EXOC6B: variants seen among roughly 807,000 people sequenced by gnomAD.
EXOC6B encodes exocyst complex component 6B.
EXOC6B carries 54 observed loss-of-function variants against 113.5 expected under a neutral mutation model. The ratio of observed to expected loss-of-function variants is 0.48; its 90% CI spans 0.38 to 0.60. EXOC6B has a LOEUF of 0.60. Among genes scored for constraint, EXOC6B ranks in the 20% least tolerant of loss-of-function variants. The pLI, the probability that EXOC6B is intolerant of heterozygous loss-of-function variation, is 0.00. For synonymous variants in EXOC6B, 357 were observed against 339.0 expected, an observed-to-expected ratio of 1.05 and a Z score of -0.58; for missense variants, 797 against 977.5, an observed-to-expected ratio of 0.82 and a Z score of 2.46.
At chr2:72,499,783 C>T in intron 12 of EXOC6B, 118 bp downstream of exon 12, 3 of 651,840 alleles carry the variant, frequency 4.6e-6, no homozygotes, top group Non-Finnish European at 8.2e-6. Flanking sequence ...ATTCTCCTAC[C>T]TCAGGCTTCC....
intron 20 of EXOC6B, among the ~76,000 whole-genome samples, chr2:72,258,920 T>A (rs1452312825): frequency 6.6e-6 from 1 of 152,194 alleles, no homozygotes; most frequent in Admixed American, 6.6e-5. Flanking sequence ...AAATCTACAA[T>A]TTACATTTTA....
intron 8 of EXOC6B, among the ~76,000 whole-genome samples, chr2:72,534,688 T>A (rs1702186389): frequency 6.6e-6 from 1 of 152,186 alleles, no homozygotes; most frequent in Non-Finnish European, 1.5e-5. Flanking sequence ...AAAAACAATC[T>A]AATTATCTCA....
intron 18 of EXOC6B, among the ~76,000 whole-genome samples, chr2:72,406,608 G>A (rs986710189): frequency 1.3e-5 from 2 of 152,158 alleles, no homozygotes; most frequent in Non-Finnish European, 2.9e-5. Context: ...TGACTACTGG[G>A]TACATAACGA....
intron 1 of EXOC6B, among the ~76,000 whole-genome samples, chr2:72,808,567 C>T (rs927497963): frequency 5.9e-5 from 9 of 151,822 alleles, no homozygotes; most frequent in African/African-American, 2.2e-4. Context: ...AAGACCAGCC[C>T]GGGTAACATA....
intron 6 of EXOC6B, among the ~76,000 whole-genome samples, chr2:72,691,845 AT>A (rs34593787): frequency 0.15 from 21,946 of 148,588 alleles, 2,124 homozygotes; most frequent in Non-Finnish European, 0.22. Flanking sequence ...CCCCACCTGG[AT>A]TTTTTTTTTC....
intron 18 of EXOC6B, among the ~76,000 whole-genome samples, chr2:72,444,733 T>C (rs1028922378): frequency 3.3e-5 from 5 of 152,228 alleles, no homozygotes; most frequent in Admixed American, 2.0e-4. Context: ...GTTTTATTCA[T>C]GGCTGGAGTG....
At chr2:72,807,629 G>C (rs1015277435) in intron 1 of EXOC6B, among the ~76,000 whole-genome samples, 1 of 152,140 alleles carries the variant, frequency 6.6e-6, no homozygotes, top group Non-Finnish European at 1.5e-5. Flanking sequence ...TAATGAAAAT[G>C]TGGTACTTAT....
chr2:72,397,029 T>C (rs1427812036), intron 18 of EXOC6B, among the ~76,000 whole-genome samples: 2 of 152,036 alleles, frequency 1.3e-5, no homozygotes, highest in African/African-American at 2.4e-5. Context: ...ATTATCTATG[T>C]TCTCCCTTAT....
At chr2:72,215,286 T>C (rs1680451096) in intron 20 of EXOC6B, among the ~76,000 whole-genome samples, 1 of 152,170 alleles carries the variant, frequency 6.6e-6, no homozygotes, top group Admixed American at 6.5e-5. Flanking sequence ...CATTCTGGGA[T>C]TGCCCTGGAC....
At chr2:72,179,599 G>T in intron 21 of EXOC6B, 138 bp from the exon 22 acceptor site, 1 of 982,354 alleles carries the variant, frequency 1.0e-6, no homozygotes, top group Admixed American at 2.0e-5. Context: ...TCCACTGTCA[G>T]GCCCACACTC....
chr2:72,752,426 AT>A (rs1213620608), intron 1 of EXOC6B, among the ~76,000 whole-genome samples: 3 of 152,076 alleles, frequency 2.0e-5, no homozygotes, highest in Non-Finnish European at 4.4e-5. Flanking sequence ...CTTTCGAAAC[AT>A]GCCCCCATCT....
intron 6 of EXOC6B, among the ~76,000 whole-genome samples, chr2:72,576,345 TA>T (rs904698345): frequency 6.6e-6 from 1 of 150,798 alleles, no homozygotes; most frequent in Non-Finnish European, 1.5e-5. Flanking sequence ...CCCTTCAGCT[TA>T]AAAAAAAATA....
intron 8 of EXOC6B, 83 bp from the exon 9 acceptor site, chr2:72,515,209 C>G: frequency 7.6e-7 from 1 of 1,312,990 alleles, no homozygotes. Context: ...GGTCCCAGGT[C>G]TGGAATTTGA....
In EXOC6B at chr2:72,274,148, A is replaced by C. The variant is rs151293831; in HGVS notation, c.2196+60799T>G. 2.5e-3 allele frequency among the ~76,000 whole-genome samples: 379 copies of C among 152,292 alleles called. 1 individual carries two copies. The highest frequency in any genetic ancestry group is 8.9e-3 in the African/African-American group (370 of 41,582). Reference sequence around the variant, plus strand: ...CTTCTAACTATCTGAATGTGTCTGTAAGTTGGAGAACATGTACCAGACATT... The same window carrying C: ...CTTCTAACTATCTGAATGTGTCTGTCAGTTGGAGAACATGTACCAGACATT... On this transcript the variant is annotated intron_variant, in intron 20 of 21. Coordinates refer to ENST00000272427, the MANE Select transcript of EXOC6B (RefSeq NM_015189.3).
chr2:72,728,158 C>G (rs746875532), intron 5 of EXOC6B, among the ~76,000 whole-genome samples: 13 of 152,036 alleles, frequency 8.6e-5, no homozygotes, highest in South Asian at 4.2e-4. Flanking sequence ...CCATAGAGAA[C>G]AACAATAAGA....
chr2:72,510,240 AG>A (rs1471598910), intron 11 of EXOC6B, among the ~76,000 whole-genome samples: 1 of 152,212 alleles, frequency 6.6e-6, no homozygotes, highest in East Asian at 1.9e-4. Flanking sequence ...TAAAAAGAAT[AG>A]GGAAATAGGC....
chr2:72,568,660 T>C (rs1464208326), intron 7 of EXOC6B, among the ~76,000 whole-genome samples: 1 of 152,070 alleles, frequency 6.6e-6, no homozygotes, highest in Non-Finnish European at 1.5e-5. Context: ...TATGTGTAAC[T>C]TTTCTGAAGA....
chr2:72,698,377 T>C (rs1678043359), intron 6 of EXOC6B, among the ~76,000 whole-genome samples: 1 of 152,082 alleles, frequency 6.6e-6, no homozygotes, highest in African/African-American at 2.4e-5. Flanking sequence ...AGAGATAAGG[T>C]TATCGATAAA....
At chr2:72,400,880 T>A (rs76653928) in intron 18 of EXOC6B, among the ~76,000 whole-genome samples, 1 of 151,854 alleles carries the variant, frequency 6.6e-6, no homozygotes, top group Non-Finnish European at 1.5e-5. Flanking sequence ...AAAGACAGCA[T>A]AAAAATTTCT....
Sources: allele counts gnomAD v4.1 joint callset (sites outside exome capture counted in the v4.1 genomes callset), GRCh38; gene constraint gnomAD v4.1.1; transcripts MANE v1.5; gene names NCBI Gene and HGNC (gene_info 2026-07-23, HGNC 2026-07-21).